Variants in DACH1 observed in about 807,000 individuals in gnomAD.
DACH1 encodes dachshund family transcription factor 1.
In DACH1, 12 loss-of-function variants were observed where a neutral mutation model predicts 54.2. The ratio of observed to expected loss-of-function variants is 0.22; its 90% CI spans 0.14 to 0.36. DACH1 has a LOEUF of 0.36. Among genes scored for constraint, DACH1 ranks in the 10% least tolerant of loss-of-function variants. The pLI is 1.00. For synonymous variants in DACH1, 386 were observed against 366.2 expected, an observed-to-expected ratio of 1.05 and a Z score of -0.62; for missense variants, 805 against 929.8, an observed-to-expected ratio of 0.87 and a Z score of 1.75.
At chr13:71,798,347 T>C (rs866402211) in intron 1 of DACH1, among the ~76,000 whole-genome samples, 3,704 of 139,452 alleles carry the variant, frequency 0.027, 239 homozygotes, top group African/African-American at 0.098. Context: ...TATATATATA[T>C]ATATATATAT....
At chr13:71,529,220 T>C (rs2138301260) in intron 6 of DACH1, among the ~76,000 whole-genome samples, 1 of 146,230 alleles carries the variant, frequency 6.8e-6, no homozygotes, top group East Asian at 2.1e-4. Flanking sequence ...AGAATCTCGC[T>C]GTGTCACCCA....
chr13:71,629,857 A>C (rs1876953927), intron 3 of DACH1, among the ~76,000 whole-genome samples: 1 of 152,292 alleles, frequency 6.6e-6, no homozygotes, highest in African/African-American at 2.4e-5. Flanking sequence ...CAACATCCAG[A>C]TGCTAAGGAT....
At chr13:71,837,034 G>GATC (rs1407265569) in intron 1 of DACH1, among the ~76,000 whole-genome samples, 1 of 151,712 alleles carries the variant, frequency 6.6e-6, no homozygotes, top group African/African-American at 2.4e-5. Context: ...ACACAATTCT[G>GATC]AGGCCTCTTA....
intron 3 of DACH1, among the ~76,000 whole-genome samples, chr13:71,601,020 C>A (rs1368475360): frequency 4.0e-5 from 6 of 150,960 alleles, no homozygotes; most frequent in African/African-American, 1.5e-4. Context: ...TTCCATAATT[C>A]CGGAAAAAAA....
At chr13:71,528,037 T>G (rs1882129572) in intron 6 of DACH1, among the ~76,000 whole-genome samples, 1 of 152,182 alleles carries the variant, frequency 6.6e-6, no homozygotes, top group Admixed American at 6.5e-5. Flanking sequence ...GATATGTTTG[T>G]CCATGAGATT....
intron 2 of DACH1, among the ~76,000 whole-genome samples, chr13:71,631,013 A>T (rs1248483361): frequency 6.6e-6 from 1 of 152,180 alleles, no homozygotes; most frequent in African/African-American, 2.4e-5. Flanking sequence ...ACGAATCTAA[A>T]TATGTCTTTT....
chr13:71,692,510 T>TTTTTTTTTTTTTTTTC, intron 1 of DACH1, among the ~76,000 whole-genome samples: 1 of 9,084 alleles, frequency 1.1e-4, no homozygotes, highest in Non-Finnish European at 4.0e-4. Flanking sequence ...TCTTTCCTTT[T>TTTTTTTTTTTTTTTTC]TTTTTTTTTT....
chr13:71,558,128 C>T (rs980621065), intron 5 of DACH1, among the ~76,000 whole-genome samples: 1 of 151,768 alleles, frequency 6.6e-6, no homozygotes, highest in South Asian at 2.1e-4. Flanking sequence ...AGAAGATAAA[C>T]GATGATGAAT....
intron 6 of DACH1, among the ~76,000 whole-genome samples, chr13:71,531,746 G>A (rs1269570086): frequency 6.6e-6 from 1 of 152,020 alleles, no homozygotes; most frequent in East Asian, 1.9e-4. Context: ...TATTAATGTT[G>A]TCATTTTCTG....
In DACH1 at chr13:71,806,671, G is replaced by A. The variant is rs183027138; in HGVS notation, c.848+59251C>T. 1.7e-3 allele frequency among the ~76,000 whole-genome samples: 261 copies of A among 152,190 alleles called. 2 individuals are homozygous for A. The highest frequency in any genetic ancestry group is 1.8e-3 in the Non-Finnish European group (124 of 68,002). ...TGTTACATATTATGAAGAATTTCCT[G>A]AACAGATTTCTCAAAGCTCATCATT... On this transcript the variant is annotated intron_variant, in intron 1 of 10. Transcript: ENST00000613252.
intron 1 of DACH1, among the ~76,000 whole-genome samples, chr13:71,838,900 T>C (rs1888906888): frequency 6.6e-6 from 1 of 152,240 alleles, no homozygotes; most frequent in South Asian, 2.1e-4. Flanking sequence ...GCTTACAGTT[T>C]AAGGTGAATT....
At chr13:71,534,389 C>T (rs1350769066) in intron 6 of DACH1, among the ~76,000 whole-genome samples, 1 of 151,786 alleles carries the variant, frequency 6.6e-6, no homozygotes, top group African/African-American at 2.4e-5. Context: ...AATTTAATTG[C>T]ATATTTACTT....
chr13:71,817,474 G>T (rs1197697246), intron 1 of DACH1, among the ~76,000 whole-genome samples: 1 of 152,166 alleles, frequency 6.6e-6, no homozygotes, highest in African/African-American at 2.4e-5. Context: ...CCTTCTCTAG[G>T]TGTTGGTAGT....
At chr13:71,759,949 G>T (rs373020353) in intron 1 of DACH1, among the ~76,000 whole-genome samples, 1 of 152,160 alleles carries the variant, frequency 6.6e-6, no homozygotes, top group Non-Finnish European at 1.5e-5. Flanking sequence ...TTTTCTTAAA[G>T]CGACTTGTTA....
chr13:71,852,008 C>T (rs1873700727), intron 1 of DACH1, among the ~76,000 whole-genome samples: 1 of 152,128 alleles, frequency 6.6e-6, no homozygotes, highest in African/African-American at 2.4e-5. Context: ...GGCGAGAGTA[C>T]CAATGAGTAT....
chr13:71,493,112 C>T (rs1879127428), intron 6 of DACH1, among the ~76,000 whole-genome samples: 2 of 151,660 alleles, frequency 1.3e-5, no homozygotes, highest in South Asian at 4.2e-4. Context: ...GTTAGTCACA[C>T]CCTGTCTGGT....
At chr13:71,514,732 G>A (rs913310229) in intron 6 of DACH1, among the ~76,000 whole-genome samples, 7 of 151,618 alleles carry the variant, frequency 4.6e-5, no homozygotes, top group African/African-American at 1.7e-4. Context: ...AATGAAACTT[G>A]TCTCTAAAAA....
chr13:71,472,030 AG>A (rs1877126413), intron 10 of DACH1, among the ~76,000 whole-genome samples: 1 of 152,184 alleles, frequency 6.6e-6, no homozygotes, highest in African/African-American at 2.4e-5. Context: ...ATTCTTGAGT[AG>A]GGTAAATTTT....
intron 1 of DACH1, among the ~76,000 whole-genome samples, chr13:71,773,391 T>C (rs1885938744): frequency 6.6e-6 from 1 of 151,918 alleles, no homozygotes; most frequent in Non-Finnish European, 1.5e-5. Flanking sequence ...GAATGTAAGT[T>C]TTATATTGTC....
Sources: allele counts gnomAD v4.1 joint callset (sites outside exome capture counted in the v4.1 genomes callset), GRCh38; gene constraint gnomAD v4.1.1; transcripts MANE v1.5; gene names NCBI Gene and HGNC (gene_info 2026-07-23, HGNC 2026-07-21).